Variants in POU2F1 observed in about 807,000 individuals in gnomAD.
The protein encoded by POU2F1 is POU domain, class 2, transcription factor 1.
Under a neutral mutation model 84.9 loss-of-function variants are expected in POU2F1, and 16 were observed. That is an observed-to-expected ratio of 0.19 (90% CI 0.13 to 0.29). POU2F1 has a LOEUF of 0.29. POU2F1 is among the 10% of genes least tolerant of loss of function. The pLI, the probability that POU2F1 is intolerant of heterozygous loss-of-function variation, is 1.00. For missense variants in POU2F1, 738 were observed against 942.6 expected (o/e 0.78, Z 2.84); for synonymous variants, 368 against 368.3 (o/e 1.00, Z 0.01).
chr1:167,238,776 C>G (rs1460299187), intron 1 of POU2F1, among the ~76,000 whole-genome samples: 2 of 152,146 alleles, frequency 1.3e-5, no homozygotes, highest in African/African-American at 4.8e-5. Flanking sequence ...GGTAGGTTAT[C>G]AAGAAATGTT....
intron 15 of POU2F1, chr1:167,414,705 A>G (rs1455383105): frequency 2.0e-6 from 2 of 985,134 alleles, no homozygotes; most frequent in African/African-American, 1.7e-5. Flanking sequence ...CTACATCATT[A>G]TGTCTAATTT....
intron 4 of POU2F1, among the ~76,000 whole-genome samples, chr1:167,370,759 C>G (rs1215733480): frequency 6.6e-6 from 1 of 152,188 alleles, no homozygotes; most frequent in Non-Finnish European, 1.5e-5. Context: ...GGGTTCCTCT[C>G]CATCCTAAAA....
chr1:167,374,435 ACC>A, intron 6 of POU2F1, 139 bp downstream of exon 6: 2 of 671,964 alleles, frequency 3.0e-6, no homozygotes, highest in East Asian at 5.9e-5. Flanking sequence ...GGTAAGCGGT[ACC>A]CTTCCTTACC....
intron 12 of POU2F1, 33 bp downstream of exon 12, chr1:167,399,398 G>A: frequency 6.5e-7 from 1 of 1,548,966 alleles, no homozygotes; most frequent in Non-Finnish European, 8.7e-7. Context: ...GCAAGCTCAA[G>A]GGCTAATTTT....
intron 1 of POU2F1, among the ~76,000 whole-genome samples, chr1:167,309,528 C>A (rs1294607140): frequency 6.6e-6 from 1 of 152,090 alleles, no homozygotes; most frequent in Middle Eastern, 3.2e-3. Context: ...TGGATGCCTG[C>A]CTTACTCAGC....
chr1:167,392,717 T>C (rs1266878704), intron 9 of POU2F1, among the ~76,000 whole-genome samples: 2 of 152,232 alleles, frequency 1.3e-5, no homozygotes, highest in African/African-American at 4.8e-5. Flanking sequence ...TGACCATTCC[T>C]TATTTTTCGA....
At chr1:167,375,186 C>T (rs184885419) in intron 6 of POU2F1, among the ~76,000 whole-genome samples, 88 of 152,142 alleles carry the variant, frequency 5.8e-4, no homozygotes, top group African/African-American at 2.0e-3. Context: ...TGTCTTTATC[C>T]GTCTCAGAAA....
intron 1 of POU2F1, among the ~76,000 whole-genome samples, chr1:167,306,325 A>G (rs931351859): frequency 2.0e-5 from 3 of 152,366 alleles, no homozygotes; most frequent in African/African-American, 7.2e-5. Flanking sequence ...TTAAGACTCT[A>G]TTCCTGTGTA....
intron 1 of POU2F1, among the ~76,000 whole-genome samples, chr1:167,307,259 A>G (rs1571268195): frequency 6.6e-6 from 1 of 152,182 alleles, no homozygotes; most frequent in African/African-American, 2.4e-5. Context: ...ACTTCCATTA[A>G]TAAAATGTAG....
intron 3 of POU2F1, among the ~76,000 whole-genome samples, chr1:167,366,040 G>T (rs1659666638): frequency 1.3e-5 from 2 of 152,100 alleles, no homozygotes; most frequent in Admixed American, 1.3e-4. Flanking sequence ...CTAGTTTGAG[G>T]TTCAAAAGAC....
rs568340370 is a variant in POU2F1 at position 167,233,087 on chromosome 1, T to C, written c.61+12129T>C. The stretch of plus-strand genomic sequence containing the variant: ...AGGTATACCATTTTTAAATCTTTTA[T>C]ACCATGTTTTTAACTATACTTTTTC... On this transcript the variant is annotated intron_variant, in intron 1 of 15. Coordinates refer to ENST00000367866, the MANE Select transcript of POU2F1 (RefSeq NM_002697.4). Among the ~76,000 whole-genome samples, 10 of 152,146 alleles carry C rather than the reference T, an allele frequency of 6.6e-5. No individual in the cohort carries two copies. The East Asian group carries it at 7.7e-4, about 12-fold the overall frequency.
rs1253656126 is a variant in POU2F1 at position 167,325,851 on chromosome 1, T to G, written c.62-6619T>G. On this transcript the variant is annotated intron_variant, in intron 1 of 15. Coordinates refer to ENST00000367866, the MANE Select transcript of POU2F1 (RefSeq NM_002697.4). ...TTGTAGCAAGCTGAGATTGTGCCAC[T>G]GCACTCCAGCATGGGCAAAAGAGCA... is the stretch of plus-strand genomic sequence containing the variant. Among the ~76,000 whole-genome samples the G allele has an allele frequency of 2.0e-5, 3 of 148,368 alleles. No individual in the cohort carries two copies. The East Asian group carries it at 5.9e-4, about 29-fold the overall frequency.
At chr1:167,260,287 G>A (rs377039945) in intron 1 of POU2F1, among the ~76,000 whole-genome samples, 1 of 151,814 alleles carries the variant, frequency 6.6e-6, no homozygotes, top group Non-Finnish European at 1.5e-5. Flanking sequence ...TTTTTTGCTC[G>A]GTTATGTATG....
chr1:167,247,903 T>C (rs913919580), intron 1 of POU2F1, among the ~76,000 whole-genome samples: 1 of 152,226 alleles, frequency 6.6e-6, no homozygotes, highest in Non-Finnish European at 1.5e-5. Flanking sequence ...TAAGGTTGCA[T>C]GCAGAGAGAT....
At chr1:167,262,045 A>G (rs1418607733) in intron 1 of POU2F1, among the ~76,000 whole-genome samples, 1 of 152,192 alleles carries the variant, frequency 6.6e-6, no homozygotes, top group Non-Finnish European at 1.5e-5. Context: ...TGTTTCGTGT[A>G]CCTAAGAATA....
intron 1 of POU2F1, among the ~76,000 whole-genome samples, chr1:167,256,007 T>G (rs991385625): frequency 2.6e-5 from 4 of 152,180 alleles, no homozygotes; most frequent in South Asian, 2.1e-4. Context: ...CGGGGTGGTG[T>G]TTACTTTGCT....
At chr1:167,400,898 G>C (rs904331740) in intron 12 of POU2F1, among the ~76,000 whole-genome samples, 5 of 152,156 alleles carry the variant, frequency 3.3e-5, no homozygotes, top group Non-Finnish European at 7.4e-5. Flanking sequence ...AAAGTTATGA[G>C]ATAGTTATGA....
intron 12 of POU2F1, among the ~76,000 whole-genome samples, chr1:167,400,389 A>G (rs1490191530): frequency 2.0e-5 from 3 of 152,174 alleles, no homozygotes. Context: ...TTACTCTGTA[A>G]CCATGGGAGT....
chr1:167,248,651 A>G lies in POU2F1; in HGVS notation c.61+27693A>G, dbSNP rs560921767. On this transcript the variant is annotated intron_variant, in intron 1 of 15. Coordinates refer to ENST00000367866, the MANE Select transcript of POU2F1 (RefSeq NM_002697.4). Reference sequence around the variant, plus strand: ...CAAAGAAGATCCCCAGAGCTGAGGGATAATAGGAATTAGGTTGGGATAAGG... The same window carrying G: ...CAAAGAAGATCCCCAGAGCTGAGGGGTAATAGGAATTAGGTTGGGATAAGG... 6.6e-5 allele frequency among the ~76,000 whole-genome samples: 10 copies of G among 152,316 alleles called. No individual in the cohort carries two copies. The South Asian group carries it at 2.1e-3, about 32-fold the overall frequency.
Sources: gnomAD v4.1 joint callset for allele counts (sites outside exome capture counted in the v4.1 genomes callset) on GRCh38, gnomAD v4.1.1 for gene constraint, MANE v1.5 for transcripts, NCBI Gene and HGNC (gene_info 2026-07-23, HGNC 2026-07-21) for gene names.